BACH2: variants seen among roughly 807,000 people sequenced by gnomAD.
The protein encoded by BACH2 is transcription regulator protein BACH2.
A neutral mutation model predicts 61.8 loss-of-function variants in BACH2; 5 were observed. The observed-to-expected ratio is 0.08, with a 90% CI of 0.04 to 0.17. BACH2 has a LOEUF of 0.17. Among genes scored for constraint, BACH2 ranks in the 10% least tolerant of loss-of-function variants. BACH2 has a pLI of 1.00. For synonymous variants in BACH2, 446 were observed against 440.1 expected, an observed-to-expected ratio of 1.01 and a Z score of -0.17; for missense variants, 824 against 1,091.1, an observed-to-expected ratio of 0.76 and a Z score of 3.45.
rs554396751 is a variant in BACH2, at chr6:90,057,770, T to C, written c.-13+31191A>G. On this transcript the variant is annotated intron_variant, in intron 5 of 8. Transcript: ENST00000257749. ...ATCCAGCAGCACATCAAAAAGCTTATCCACCATGATCAAGTGGGCTTCATC... is the reference window on the plus strand; with the variant it reads ...ATCCAGCAGCACATCAAAAAGCTTACCCACCATGATCAAGTGGGCTTCATC... Among the ~76,000 whole-genome samples the C allele has an allele frequency of 4.2e-3, 640 of 152,256 alleles. 2 individuals are homozygous for C. The highest frequency in any genetic ancestry group is 7.3e-3 in the Non-Finnish European group (499 of 68,024).
At chr6:89,948,827 G>T (rs1195054525) in intron 7 of BACH2, among the ~76,000 whole-genome samples, 1 of 152,160 alleles carries the variant, frequency 6.6e-6, no homozygotes, top group Non-Finnish European at 1.5e-5. Flanking sequence ...AACCTAAGGG[G>T]AGGTGGTATA....
chr6:89,930,228 C>CTTTTTTTTTTT lies in BACH2; in HGVS notation c.*2169_*2179dup. ...AGTGGAACTGTTTAAAAAGAAAAGCCTTTTTTTTTTTTTTTTTTTTTTTTT... is the reference window on the plus strand; with the variant it reads ...AGTGGAACTGTTTAAAAAGAAAAGCCTTTTTTTTTTTTTTTTTTTTTTTTTTTTTTTTTTTT... On this transcript the variant is annotated 3_prime_UTR_variant, in exon 9 of 9. Coordinates refer to ENST00000257749, the MANE Select transcript of BACH2 (RefSeq NM_021813.4). The CTTTTTTTTTTT allele has an allele frequency of 1.9e-5, 1 of 53,426 alleles. No individual in the cohort carries two copies. The highest frequency in any genetic ancestry group is 3.4e-5 in the Non-Finnish European group (1 of 29,556). 3.3% of individuals were successfully genotyped at this position (53,426 alleles called of 1,614,324 possible).
chr6:90,224,364 G>A (rs1018642766), intron 3 of BACH2, among the ~76,000 whole-genome samples: 1 of 152,102 alleles, frequency 6.6e-6, no homozygotes, highest in Admixed American at 6.6e-5. Context: ...TCCCACAGAG[G>A]CTCTGAAACG....
At chr6:90,213,401 T>TA (rs938750945) in intron 3 of BACH2, among the ~76,000 whole-genome samples, 2 of 152,180 alleles carry the variant, frequency 1.3e-5, no homozygotes, top group African/African-American at 4.8e-5. Flanking sequence ...CTGCACACCT[T>TA]CCATGTCAGT....
intron 4 of BACH2, among the ~76,000 whole-genome samples, chr6:90,110,820 C>T (rs539154659): frequency 5.9e-5 from 9 of 152,140 alleles, no homozygotes; most frequent in Admixed American, 3.3e-4. Flanking sequence ...CAACTGCACA[C>T]GGGTTTTTCC....
intron 3 of BACH2, among the ~76,000 whole-genome samples, chr6:90,221,949 C>A (rs141067019): frequency 1.3e-5 from 2 of 152,188 alleles, no homozygotes; most frequent in East Asian, 3.9e-4. Flanking sequence ...TGCTGGCCAA[C>A]AGAAACACAA....
intron 5 of BACH2, among the ~76,000 whole-genome samples, chr6:90,030,841 C>A (rs1358135851): frequency 6.6e-6 from 1 of 151,982 alleles, no homozygotes; most frequent in Non-Finnish European, 1.5e-5. Flanking sequence ...GGAATCCTCC[C>A]TGACTCATTT....
chr6:90,144,964 A>T (rs1784570587), intron 4 of BACH2, among the ~76,000 whole-genome samples: 1 of 152,174 alleles, frequency 6.6e-6, no homozygotes, highest in Non-Finnish European at 1.5e-5. Context: ...ATCCTTGTAG[A>T]CGAAATCACT....
At chr6:90,183,370 A>T (rs1158167822) in intron 4 of BACH2, among the ~76,000 whole-genome samples, 1 of 152,234 alleles carries the variant, frequency 6.6e-6, no homozygotes, top group Admixed American at 6.5e-5. Flanking sequence ...TATAACATAC[A>T]GTCAGTAAAA....
At chr6:90,202,979 G>C (rs1769006235) in intron 4 of BACH2, among the ~76,000 whole-genome samples, 2 of 152,174 alleles carry the variant, frequency 1.3e-5, no homozygotes, top group South Asian at 4.1e-4. Flanking sequence ...TCTATAGCAT[G>C]ATAATGCAGC....
intron 1 of BACH2, among the ~76,000 whole-genome samples, chr6:90,280,326 G>A (rs1373236022): frequency 1.4e-5 from 2 of 147,558 alleles, no homozygotes; most frequent in African/African-American, 2.7e-5. Context: ...AAAATACAAC[G>A]TTATGTAATA....
intron 5 of BACH2, among the ~76,000 whole-genome samples, chr6:90,027,508 A>G (rs1191205299): frequency 6.6e-6 from 1 of 152,232 alleles, no homozygotes; most frequent in East Asian, 1.9e-4. Context: ...ATAAAAAGTC[A>G]GAATTGTACT....
chr6:90,010,332 T>C (rs1311043425), intron 5 of BACH2, among the ~76,000 whole-genome samples: 1 of 152,244 alleles, frequency 6.6e-6, no homozygotes, highest in Non-Finnish European at 1.5e-5. Context: ...TTCTAGAGTT[T>C]CATATAAATG....
chr6:90,131,527 A>T (rs1166552117), intron 4 of BACH2, among the ~76,000 whole-genome samples: 2 of 152,202 alleles, frequency 1.3e-5, no homozygotes, highest in Non-Finnish European at 2.9e-5. Flanking sequence ...ATCTCAGCGA[A>T]AGCCTCTGAA....
chr6:90,045,752 C>A (rs1006252306), intron 5 of BACH2, among the ~76,000 whole-genome samples: 1 of 152,186 alleles, frequency 6.6e-6, no homozygotes, highest in Non-Finnish European at 1.5e-5. Context: ...GATGGTGATG[C>A]AAGAGGTATC....
chr6:89,981,079 AAT>A (rs1007232533), intron 6 of BACH2, among the ~76,000 whole-genome samples: 2 of 152,136 alleles, frequency 1.3e-5, no homozygotes, highest in Admixed American at 1.3e-4. Flanking sequence ...CAAGATAGAC[AAT>A]AGTTGTTTTA....
At chr6:90,272,763 A>C (rs915868007) in intron 1 of BACH2, among the ~76,000 whole-genome samples, 3 of 152,082 alleles carry the variant, frequency 2.0e-5, no homozygotes, top group Admixed American at 1.3e-4. Flanking sequence ...ACTTACACTG[A>C]CCAGATCCTG....
intron 5 of BACH2, among the ~76,000 whole-genome samples, chr6:90,069,869 C>A (rs901344088): frequency 2.6e-5 from 4 of 152,048 alleles, no homozygotes; most frequent in African/African-American, 9.7e-5. Flanking sequence ...GCTAAGGTGA[C>A]AGGGAAGCAG....
In BACH2 at chr6:90,244,611, C is replaced by T. The variant is rs367580585; in HGVS notation, c.-275+7902G>A. On this transcript the variant is annotated intron_variant, in intron 3 of 8. Transcript: ENST00000257749. Reference sequence around the variant, plus strand: ...GCAACCACCCCCTCCCCCCTTCACACGCGCACACATGCGCACACACGCACA... The same window carrying T: ...GCAACCACCCCCTCCCCCCTTCACATGCGCACACATGCGCACACACGCACA... Among the ~76,000 whole-genome samples, 37 of 152,070 alleles carry T rather than the reference C, an allele frequency of 2.4e-4. 3 individuals carry two copies. The South Asian group carries it at 6.2e-3, about 26-fold the overall frequency.
Sources: allele counts gnomAD v4.1 joint callset (sites outside exome capture counted in the v4.1 genomes callset), GRCh38; gene constraint gnomAD v4.1.1; transcripts MANE v1.5; gene names NCBI Gene and HGNC (gene_info 2026-07-23, HGNC 2026-07-21).